Variants in ABL1 observed in about 807,000 individuals in gnomAD.
ABL1 encodes the protein tyrosine-protein kinase ABL1.
Under a neutral mutation model 94.7 loss-of-function variants are expected in ABL1, and 11 were observed. The ratio of observed to expected loss-of-function variants is 0.12; its 90% confidence interval spans 0.07 to 0.19. The LOEUF (loss-of-function observed/expected upper bound fraction) is 0.19. Ranked by LOEUF, ABL1 falls within the 10% of genes least tolerant of loss-of-function variation. The pLI is 1.00. For synonymous variants in ABL1, 656 were observed against 622.4 expected (o/e 1.05, Z -0.80); for missense variants, 1,082 against 1,489.4 (o/e 0.73, Z 4.50).
At chr9:130,836,594 C>G (rs1167008835) in intron 1 of ABL1, among the ~76,000 whole-genome samples, 1 of 151,988 alleles carries the variant, frequency 6.6e-6, no homozygotes, top group Non-Finnish European at 1.5e-5. Flanking sequence ...GAGGCCGAGA[C>G]GGGTGGATTA....
rs1831521397 is a variant in ABL1, at chr9:130,884,208, G to A, written c.1918G>A (p.Asp640Asn). Residue 640 changes from aspartate (D) to asparagine (N), a missense_variant, in exon 11 of 11, where the codon GAC (aspartate) becomes AAC (asparagine). By Grantham distance (23) the Asp-to-Asn change is conservative. Coordinates refer to ENST00000318560, the MANE Select transcript of ABL1 (RefSeq NM_005157.6). This position sits in a 1 kb window ranked among gnomAD's most constrained non-coding sequence, Gnocchi z 5.6. ...AGGGGCCGGCGAGGAAGAGGGCCGAGACATCAGCAACGGGGCACTGGCTTT... is the reference window on the plus strand; with the variant it reads ...AGGGGCCGGCGAGGAAGAGGGCCGAAACATCAGCAACGGGGCACTGGCTTT... ...RRGAGEEEGR[D>N]ISNGALAFTP... 1.2e-6 allele frequency: 2 copies of A among 1,610,304 alleles called. No individual in the cohort carries two copies. Among genetic ancestry groups the A allele is most frequent in the Non-Finnish European group, 8.5e-7 (1 of 1,178,858 alleles).
Position 130,860,254 on chromosome 9 carries a change from A to T in ABL1, c.550-2509A>T, listed in dbSNP as rs73656058. ...TGGGACACGGGGAAGATGGCTGTGA[A>T]CCAAATATGCGGTGCCTTTGGGGGA... On this transcript the variant is annotated intron_variant, in intron 3 of 10. Transcript: ENST00000318560. 9.2e-3 allele frequency among the ~76,000 whole-genome samples: 1,397 copies of T among 152,278 alleles called. 31 individuals carry two copies. The highest frequency in any genetic ancestry group is 0.032 in the African/African-American group (1,344 of 41,552).
At chr9:130,848,934 C>T (rs538340727) in intron 1 of ABL1, among the ~76,000 whole-genome samples, 9 of 151,422 alleles carry the variant, frequency 5.9e-5, no homozygotes, top group Admixed American at 3.3e-4. Flanking sequence ...AACGAGACTC[C>T]GTCTCGAGAA....
intron 1 of ABL1, among the ~76,000 whole-genome samples, chr9:130,821,582 A>G (rs531767971): frequency 6.6e-6 from 1 of 151,330 alleles, no homozygotes; most frequent in Non-Finnish European, 1.5e-5. Context: ...CAATGCTACT[A>G]TATATATCCA....
intron 7 of ABL1, among the ~76,000 whole-genome samples, chr9:130,876,733 CTTTTT>C (rs755840936): frequency 6.0e-5 from 5 of 83,230 alleles, no homozygotes; most frequent in African/African-American, 5.2e-5. Context: ...AAGTTGGTTT[CTTTTT>C]TTTTTTTTTT....
intron 8 of ABL1, 124 bp downstream of exon 8, chr9:130,878,691 T>G (rs1831394741): frequency 8.5e-7 from 1 of 1,182,950 alleles, no homozygotes; most frequent in East Asian, 2.4e-5. Context: ...GTTCTTCAGA[T>G]GCAGCTAATG....
rs193175754 is a variant in ABL1 at position 130,853,595 on chromosome 9, A to G, written c.80-469A>G. ...ATGCCCGGCTAATTTTTGTATGTCT[A>G]ATGGAGACAGGGTTTCACCATGTTG... On this transcript the variant is annotated intron_variant, in intron 1 of 10. Coordinates refer to ENST00000318560, the MANE Select transcript of ABL1 (RefSeq NM_005157.6). 1.2e-3 allele frequency among the ~76,000 whole-genome samples: 175 copies of G among 151,810 alleles called. 2 individuals are homozygous for G. The Middle Eastern group carries it at 0.014, about 12-fold the overall frequency.
rs1831604450 is a variant in ABL1 at position 130,887,355 on chromosome 9, GC to G, written c.*1673del. On this transcript the variant is annotated 3_prime_UTR_variant, in exon 11 of 11. Transcript: ENST00000318560. Reference sequence around the variant, plus strand: ...CGGAGGGAGGCACTAGTCACCGACAGCGGCCTTGAAGACAGAGCAAAGCGCC... The same window carrying G: ...CGGAGGGAGGCACTAGTCACCGACAGGGCCTTGAAGACAGAGCAAAGCGCC... The G allele has an allele frequency of 4.3e-6, 1 of 233,266 alleles. No individual in the cohort carries two copies. Among genetic ancestry groups the G allele is most frequent in the African/African-American group, 2.2e-5 (1 of 45,370 alleles). 14.4% of individuals were successfully genotyped at this position (233,266 alleles called of 1,614,324 possible). A position where few individuals can be genotyped will look rare whatever the true frequency, so the allele number is the denominator to read the frequency against.
At chr9:130,716,586 A>G (rs947875866) in intron 1 of ABL1, among the ~76,000 whole-genome samples, 6 of 152,184 alleles carry the variant, frequency 3.9e-5, no homozygotes, top group Non-Finnish European at 8.8e-5. Flanking sequence ...AAACTGAACT[A>G]GCCACTTTTT....
upstream of ABL1, among the ~76,000 whole-genome samples, chr9:130,831,621 T>G (rs528914182): frequency 6.6e-6 from 1 of 152,216 alleles, no homozygotes; most frequent in Non-Finnish European, 1.5e-5. Context: ...CTTTTTTTCT[T>G]TTTTTGAAAT....
intron 1 of ABL1, among the ~76,000 whole-genome samples, chr9:130,805,919 T>C (rs149177097): frequency 6.6e-6 from 1 of 152,360 alleles, no homozygotes; most frequent in Non-Finnish European, 1.5e-5. Context: ...GAAGTTAATG[T>C]GTGTTTTAAA....
rs775435018 is a variant in ABL1, at chr9:130,872,844, G to A, written c.908-16G>A. On this transcript the variant is annotated splice_polypyrimidine_tract_variant and intron_variant, in intron 5 of 10. Coordinates refer to ENST00000318560, the MANE Select transcript of ABL1 (RefSeq NM_005157.6). This position sits in a 1 kb window ranked among gnomAD's most constrained non-coding sequence, Gnocchi z 5.0. ...AGCGGAGCCACGTGTTGAAGTCCTC[G>A]TTGTCTTGTTGGCAGGGGTCTGCAC... The A allele has an allele frequency of 1.7e-5, 27 of 1,600,974 alleles. No individual in the cohort carries two copies. Among genetic ancestry groups the A allele is most frequent in the Non-Finnish European group, 2.2e-5 (26 of 1,171,134 alleles).
intron 1 of ABL1, among the ~76,000 whole-genome samples, chr9:130,771,521 G>A (rs1832250787): frequency 6.6e-6 from 1 of 151,972 alleles, no homozygotes; most frequent in South Asian, 2.1e-4. Context: ...CTTTTTAAGT[G>A]TTCCAAATAT....
intron 1 of ABL1, among the ~76,000 whole-genome samples, chr9:130,816,411 C>T (rs1254374579): frequency 2.6e-5 from 4 of 152,014 alleles, no homozygotes; most frequent in East Asian, 1.9e-4. Flanking sequence ...TGGACTCAAA[C>T]GATCCTCCTG....
intron 1 of ABL1, among the ~76,000 whole-genome samples, chr9:130,744,230 C>T (rs1831855652): frequency 1.3e-5 from 2 of 151,850 alleles, no homozygotes; most frequent in Admixed American, 1.3e-4. Flanking sequence ...GCAACCTCTG[C>T]CTCCCGGGTT....
At chr9:130,721,535 C>T (rs906905919) in intron 1 of ABL1, among the ~76,000 whole-genome samples, 3 of 152,056 alleles carry the variant, frequency 2.0e-5, no homozygotes, top group Non-Finnish European at 2.9e-5. Flanking sequence ...ATGGCGAAAC[C>T]CCATCTCTAC....
chr9:130,782,263 G>A (rs769373535), intron 1 of ABL1, among the ~76,000 whole-genome samples: 13 of 152,138 alleles, frequency 8.5e-5, no homozygotes, highest in South Asian at 4.1e-4. Context: ...GTTTTGCTAT[G>A]TTGGTCAGGC....
At position 130,863,807 on chromosome 9, in the gene ABL1, T is replaced by C. The variant is rs1831114187; in HGVS notation, c.822+772T>C. Reference sequence around the variant, plus strand: ...GCGAGGGTGTCCCCTAGTGTTGACTTACATTATTTCCACTTGTTTTAAATG... The same window carrying C: ...GCGAGGGTGTCCCCTAGTGTTGACTCACATTATTTCCACTTGTTTTAAATG... On this transcript the variant is annotated intron_variant, in intron 4 of 10. Transcript: ENST00000318560. The surrounding 1 kb of genome is among the most constrained non-coding windows in gnomAD (Gnocchi z 4.3). Among the ~76,000 whole-genome samples, 1 of 152,224 alleles carries C rather than the reference T, an allele frequency of 6.6e-6. No homozygotes were observed. Among genetic ancestry groups the C allele is most frequent in the Admixed American group, 6.5e-5 (1 of 15,278 alleles).
rs549314141 is a variant in ABL1, at chr9:130,863,478, C to T, written c.822+443C>T. On this transcript the variant is annotated intron_variant, in intron 4 of 10. Coordinates refer to ENST00000318560, the MANE Select transcript of ABL1 (RefSeq NM_005157.6). This position sits in a 1 kb window ranked among gnomAD's most constrained non-coding sequence, Gnocchi z 4.3. ...GATTTTTGTTGGCTGATTTGGAAGG[C>T]AGGTGCCCTGGGCATCCCCAGTGGG... Among the ~76,000 whole-genome samples, 2 of 152,194 alleles carry T rather than the reference C, an allele frequency of 1.3e-5. No homozygotes were observed. Among genetic ancestry groups the T allele is most frequent in the South Asian group, 4.1e-4 (2 of 4,828 alleles).
Sources: allele counts gnomAD v4.1 joint callset (sites outside exome capture counted in the v4.1 genomes callset), GRCh38; gene constraint gnomAD v4.1.1; non-coding constraint Gnocchi (gnomAD v3.1); transcripts MANE v1.5; gene names NCBI Gene and HGNC (gene_info 2026-07-23, HGNC 2026-07-21).